The following ADAM18 variants were observed in gnomAD, a reference collection of about 807,000 sequenced individuals.
ADAM18 encodes ADAM metallopeptidase domain 18.
In ADAM18, 117 loss-of-function variants were observed where a neutral mutation model predicts 94.4. The ratio of observed to expected loss-of-function variants is 1.24; its 90% CI spans 1.07 to 1.45. ADAM18 has a LOEUF of 1.45. ADAM18 is among the 40% of genes most tolerant of loss of function. The pLI is 0.00. For missense variants in ADAM18, 936 were observed against 880.0 expected (o/e 1.06, Z -0.81); for synonymous variants, 327 against 291.6 (o/e 1.12, Z -1.24).
intron 2 of ADAM18, among the ~76,000 whole-genome samples, chr8:39,592,474 G>T (rs1305418875): frequency 6.6e-6 from 1 of 152,000 alleles, no homozygotes; most frequent in Non-Finnish European, 1.5e-5. Flanking sequence ...ATAAATAAAA[G>T]GTGGTATATA....
chr8:39,627,297 G>C lies in ADAM18; in HGVS notation c.523-2077G>C, dbSNP rs994511593. ...AAAGGGACATCTTACATGTCAGCAGGCAAGAGAGCTTGGGCAAGGGAACTC... is the reference window on the plus strand; with the variant it reads ...AAAGGGACATCTTACATGTCAGCAGCCAAGAGAGCTTGGGCAAGGGAACTC... On this transcript the variant is annotated intron_variant, in intron 6 of 19. Coordinates refer to ENST00000265707, the MANE Select transcript of ADAM18 (RefSeq NM_014237.3). Among the ~76,000 whole-genome samples the C allele has an allele frequency of 9.9e-4, 150 of 152,186 alleles. 1 individual carries two copies. Among genetic ancestry groups the C allele is most frequent in the Non-Finnish European group, 8.1e-4 (55 of 67,996 alleles).
chr8:39,729,832 A>G, intron 19 of ADAM18, 66 bp from the exon 20 acceptor site: 1 of 1,331,992 alleles, frequency 7.5e-7, no homozygotes, highest in Non-Finnish European at 1.1e-6. Flanking sequence ...TATGGTTTAA[A>G]ATAGGCAATT....
chr8:39,683,415 T>C (rs772803467), intron 16 of ADAM18, among the ~76,000 whole-genome samples: 4 of 152,232 alleles, frequency 2.6e-5, no homozygotes, highest in African/African-American at 4.8e-5. Context: ...GTGTATTGTT[T>C]CCTTTTCCTA....
At chr8:39,621,309 TCACACACACACACACA>T (rs55818122) in intron 6 of ADAM18, among the ~76,000 whole-genome samples, 96 of 128,908 alleles carry the variant, frequency 7.4e-4, no homozygotes, top group Middle Eastern at 7.8e-3. Flanking sequence ...CATGACAAAA[TCACACACACACACACA>T]CACACACACA....
At chr8:39,616,948 T>G (rs553048950) in intron 6 of ADAM18, among the ~76,000 whole-genome samples, 49 of 152,122 alleles carry the variant, frequency 3.2e-4, no homozygotes, top group Non-Finnish European at 4.0e-4. Context: ...ACTCTGAACA[T>G]AGGCCGTAGC....
chr8:39,618,725 GC>G (rs1313229529), intron 6 of ADAM18, among the ~76,000 whole-genome samples: 2 of 152,096 alleles, frequency 1.3e-5, no homozygotes, highest in South Asian at 2.1e-4. Context: ...ATGGACAGGT[GC>G]CCCCCATGTG....
In ADAM18 at chr8:39,706,852, C is replaced by T; in HGVS notation, c.1965C>T (p.Phe655=). The T allele has an allele frequency of 1.9e-6, 3 of 1,610,410 alleles. No homozygotes were observed. Among genetic ancestry groups the T allele is most frequent in the Non-Finnish European group, 2.5e-6 (3 of 1,177,548 alleles). ...GACATAGACCTCCAGATTGTAAATTCCAGTTTGGTTCCCCAGGGGGTAGTA... is the reference window on the plus strand; with the variant it reads ...GACATAGACCTCCAGATTGTAAATTTCAGTTTGGTTCCCCAGGGGGTAGTA... ...FPGHRPPDCK[F]QFGSPGGSID... The change falls in exon 18 of 20, where the codon TTC becomes TTT. Residue 655 remains phenylalanine (F), a synonymous_variant. Transcript: ENST00000265707.
intron 2 of ADAM18, among the ~76,000 whole-genome samples, chr8:39,601,311 G>C (rs1173160522): frequency 6.6e-6 from 1 of 152,230 alleles, no homozygotes; most frequent in Non-Finnish European, 1.5e-5. Context: ...CAGGGGCCAG[G>C]TGGTGGCACT....
intron 7 of ADAM18, among the ~76,000 whole-genome samples, chr8:39,631,196 G>A (rs1376260442): frequency 6.6e-6 from 1 of 151,870 alleles, no homozygotes; most frequent in Admixed American, 6.6e-5. Context: ...TGATAGACAT[G>A]CATTCTGAAC....
intron 12 of ADAM18, among the ~76,000 whole-genome samples, 197 bp from the exon 13 acceptor site, chr8:39,663,598 C>CAAAAAAAAAAAAAAA (rs10597769): frequency 1.4e-3 from 28 of 19,592 alleles, no homozygotes; most frequent in Admixed American, 1.8e-3. Flanking sequence ...AATCCTGTCT[C>CAAAAAAAAAAAAAAA]AAAAAAAAAA....
At chr8:39,682,379 A>G (rs1381994088) in intron 16 of ADAM18, among the ~76,000 whole-genome samples, 1 of 152,210 alleles carries the variant, frequency 6.6e-6, no homozygotes, top group Non-Finnish European at 1.5e-5. Context: ...AGAGAATACA[A>G]AATGAAAGGA....
At chr8:39,592,104 A>G (rs1257587067) in intron 2 of ADAM18, among the ~76,000 whole-genome samples, 1 of 152,172 alleles carries the variant, frequency 6.6e-6, no homozygotes, top group African/African-American at 2.4e-5. Flanking sequence ...TTGTTGTTAC[A>G]TTTCTCATCA....
At chr8:39,610,842 C>A in intron 6 of ADAM18, 136 bp downstream of exon 6, 1 of 1,279,450 alleles carries the variant, frequency 7.8e-7, no homozygotes, top group Non-Finnish European at 1.0e-6. Context: ...TTAAATAAAA[C>A]ATTGAAACTT....
intron 2 of ADAM18, among the ~76,000 whole-genome samples, chr8:39,594,905 G>A (rs998183818): frequency 1.8e-4 from 26 of 144,340 alleles, no homozygotes; most frequent in Non-Finnish European, 2.7e-4. Flanking sequence ...ATTTTCACCC[G>A]CTATTTCTTG....
chr8:39,672,775 A>G (rs1308185843), intron 14 of ADAM18, among the ~76,000 whole-genome samples: 1 of 152,186 alleles, frequency 6.6e-6, no homozygotes, highest in Non-Finnish European at 1.5e-5. Context: ...ACTGGGGAAA[A>G]GAAAATATCC....
chr8:39,587,276 A>C (rs1218111861), intron 2 of ADAM18, among the ~76,000 whole-genome samples: 1 of 152,188 alleles, frequency 6.6e-6, no homozygotes, highest in African/African-American at 2.4e-5. Context: ...TCAAGTGCAC[A>C]ATGGTGTATC....
chr8:39,716,110 G>A (rs1227223994), intron 18 of ADAM18, among the ~76,000 whole-genome samples: 1 of 151,544 alleles, frequency 6.6e-6, no homozygotes, highest in African/African-American at 2.4e-5. Context: ...TCTAGGTAAT[G>A]TTTTATCAAT....
At chr8:39,688,565 C>G (rs1821675925) in intron 16 of ADAM18, among the ~76,000 whole-genome samples, 1 of 152,138 alleles carries the variant, frequency 6.6e-6, no homozygotes, top group African/African-American at 2.4e-5. Flanking sequence ...GACATGACCT[C>G]ATTTTTTTTA....
intron 14 of ADAM18, among the ~76,000 whole-genome samples, chr8:39,670,859 C>G (rs1221068180): frequency 6.6e-6 from 1 of 152,234 alleles, no homozygotes; most frequent in Non-Finnish European, 1.5e-5. Context: ...AAGGCACACA[C>G]TTCTCAAGCC....
Sources: gnomAD v4.1 joint callset for allele counts (sites outside exome capture counted in the v4.1 genomes callset) on GRCh38, gnomAD v4.1.1 for gene constraint, MANE v1.5 for transcripts, NCBI Gene and HGNC (gene_info 2026-07-23, HGNC 2026-07-21) for gene names.